MAPK4: variants seen among roughly 807,000 people sequenced by gnomAD.
MAPK4 encodes the protein Erk3-related.
A neutral mutation model predicts 47.7 loss-of-function variants in MAPK4; 22 were observed. The ratio of observed to expected loss-of-function variants is 0.46; its 90% CI spans 0.33 to 0.66. The LOEUF is 0.66. MAPK4 is among the 30% of genes least tolerant of loss of function. The pLI, the probability that MAPK4 is intolerant of heterozygous loss-of-function variation, is 0.02. For missense variants in MAPK4, 736 were observed against 831.7 expected (o/e 0.88, Z 1.42); for synonymous variants, 390 against 365.7 (o/e 1.07, Z -0.76).
intron 1 of MAPK4, among the ~76,000 whole-genome samples, chr18:50,650,323 T>C (rs1469510627): frequency 6.9e-6 from 1 of 144,414 alleles, no homozygotes; most frequent in Non-Finnish European, 1.5e-5. Flanking sequence ...TTGCCCCCTT[T>C]CCACTACCCC....
chr18:50,590,864 C>G (rs539552129), intron 1 of MAPK4, among the ~76,000 whole-genome samples: 2 of 152,286 alleles, frequency 1.3e-5, no homozygotes, highest in Admixed American at 1.3e-4. Flanking sequence ...TCTCCCAAAG[C>G]ACAGAGCTCA....
At chr18:50,658,569 A>G (rs1363251688) in intron 1 of MAPK4, among the ~76,000 whole-genome samples, 1 of 152,244 alleles carries the variant, frequency 6.6e-6, no homozygotes, top group East Asian at 1.9e-4. Flanking sequence ...CAGTTCCACC[A>G]TCTTCATCAT....
rs1454663487 is a variant in MAPK4 at position 50,602,133 on chromosome 18, A to T, written c.-871+41890A>T. Among the ~76,000 whole-genome samples, 5 of 152,238 alleles carry T rather than the reference A, an allele frequency of 3.3e-5. No homozygotes were observed. In the East Asian group the frequency reaches 9.6e-4, roughly 29 times the overall value. ...GTTCCTAAAGGTATTCTATAGAAATATGATTCCATAGACAATGTAATTTGA... is the reference window on the plus strand; with the variant it reads ...GTTCCTAAAGGTATTCTATAGAAATTTGATTCCATAGACAATGTAATTTGA... On this transcript the variant is annotated intron_variant, in intron 1 of 5. Transcript: ENST00000400384.
At chr18:50,669,989 C>T (rs1188444408) in intron 2 of MAPK4, 1 of 152,144 alleles carries the variant, frequency 6.6e-6, no homozygotes, top group Non-Finnish European at 1.5e-5. Context: ...GAAACCCCGT[C>T]TCTCCTAAAA....
chr18:50,716,584 G>A lies in MAPK4; in HGVS notation c.691+1361G>A, dbSNP rs189168002. On this transcript the variant is annotated intron_variant, in intron 3 of 5. Transcript: ENST00000400384. ...ACCATGGTGAGGCCAGTCTCCACAC[G>A]CTCTGGCTGCAGCATGAGCCCCGTG... Among the ~76,000 whole-genome samples the A allele has an allele frequency of 2.5e-4, 38 of 152,296 alleles. No homozygotes were observed. In the East Asian group the frequency reaches 4.3e-3, roughly 17 times the overall value.
At chr18:50,592,770 G>C (rs1217503397) in intron 1 of MAPK4, among the ~76,000 whole-genome samples, 1 of 152,138 alleles carries the variant, frequency 6.6e-6, no homozygotes, top group Non-Finnish European at 1.5e-5. Flanking sequence ...TTGGATCTTA[G>C]CATTGAAAAA....
At chr18:50,680,078 CTTTTTTTTTTTTTTTT>C (rs138992946) in intron 2 of MAPK4, among the ~76,000 whole-genome samples, 1 of 54,334 alleles carries the variant, frequency 1.8e-5, no homozygotes, top group Non-Finnish European at 3.0e-5. Flanking sequence ...TGCTTTTAAA[CTTTTTTTTTTTTTTTT>C]TTTTTTTTTT....
intron 1 of MAPK4, among the ~76,000 whole-genome samples, chr18:50,604,411 C>A (rs2149374076): frequency 6.6e-6 from 1 of 152,304 alleles, no homozygotes; most frequent in African/African-American, 2.4e-5. Flanking sequence ...GTTCTCACTT[C>A]ATACCGGATA....
intron 1 of MAPK4, among the ~76,000 whole-genome samples, chr18:50,566,634 A>C (rs1019965976): frequency 6.6e-6 from 1 of 152,258 alleles, no homozygotes; most frequent in Admixed American, 6.5e-5. Context: ...GATTACATCT[A>C]TGCCAAAGGT....
At chr18:50,571,443 A>G (rs2042249140) in intron 1 of MAPK4, among the ~76,000 whole-genome samples, 2 of 152,308 alleles carry the variant, frequency 1.3e-5, no homozygotes, top group East Asian at 1.9e-4. Flanking sequence ...GTGCCCTTCC[A>G]TGATTATTTT....
intron 1 of MAPK4, among the ~76,000 whole-genome samples, chr18:50,660,129 A>T (rs1401566681): frequency 6.6e-6 from 1 of 152,246 alleles, no homozygotes; most frequent in African/African-American, 2.4e-5. Flanking sequence ...TTACAATGCA[A>T]ATTACAGAGG....
chr18:50,724,235 C>T (rs185213842), intron 4 of MAPK4, among the ~76,000 whole-genome samples: 41 of 152,286 alleles, frequency 2.7e-4, no homozygotes, highest in African/African-American at 7.9e-4. Flanking sequence ...CCAACTACTA[C>T]TCGTCTTGCT....
chr18:50,716,965 T>G (rs917365109), intron 3 of MAPK4, among the ~76,000 whole-genome samples: 3 of 152,120 alleles, frequency 2.0e-5, no homozygotes, highest in Non-Finnish European at 4.4e-5. Flanking sequence ...TGGCCCCTCT[T>G]CTTCTCTATC....
chr18:50,661,317 A>G (rs931297276), intron 1 of MAPK4, among the ~76,000 whole-genome samples: 2 of 152,144 alleles, frequency 1.3e-5, no homozygotes, highest in Non-Finnish European at 2.9e-5. Context: ...GATTCCCCTG[A>G]GTTAGGTATC....
At chr18:50,695,056 T>A (rs2144361291) in intron 2 of MAPK4, among the ~76,000 whole-genome samples, 1 of 152,206 alleles carries the variant, frequency 6.6e-6, no homozygotes, top group East Asian at 1.9e-4. Context: ...GACAAGAACA[T>A]AGACTCAGGC....
At chr18:50,723,298 T>A (rs901391633) in intron 4 of MAPK4, among the ~76,000 whole-genome samples, 1 of 152,148 alleles carries the variant, frequency 6.6e-6, no homozygotes, top group Non-Finnish European at 1.5e-5. Context: ...CAGGAGGTTT[T>A]TCTGGGTCAG....
At chr18:50,586,217 G>T (rs767819838) in intron 1 of MAPK4, among the ~76,000 whole-genome samples, 5 of 152,084 alleles carry the variant, frequency 3.3e-5, no homozygotes, top group Admixed American at 6.5e-5. Flanking sequence ...CAATTTCTGA[G>T]CAACTTTCTA....
chr18:50,715,008 A>G, intron 2 of MAPK4, 71 bp from the exon 3 acceptor site: 1 of 1,486,184 alleles, frequency 6.7e-7, no homozygotes, highest in Non-Finnish European at 9.2e-7. Context: ...GGGAGGGGAA[A>G]CTGGAAGAGG....
intron 1 of MAPK4, among the ~76,000 whole-genome samples, chr18:50,656,129 G>A (rs1012938760): frequency 3.3e-5 from 5 of 152,190 alleles, no homozygotes; most frequent in African/African-American, 1.2e-4. Flanking sequence ...AGAAAGTCAA[G>A]AACTGCAGAT....
Sources: gnomAD v4.1 joint callset for allele counts (sites outside exome capture counted in the v4.1 genomes callset) on GRCh38, gnomAD v4.1.1 for gene constraint, MANE v1.5 for transcripts, NCBI Gene and HGNC (gene_info 2026-07-23, HGNC 2026-07-21) for gene names.